Variants in CBR3 observed in about 807,000 individuals in gnomAD.
The protein encoded by CBR3 is carbonyl reductase [NADPH] 3.
A neutral mutation model predicts 11.6 loss-of-function variants in CBR3; 14 were observed. The observed-to-expected ratio is 1.20, with a 90% CI of 0.79 to 1.88. CBR3 has a LOEUF of 1.88. CBR3 is among the 40% of genes most tolerant of loss of function. CBR3 has a pLI of 0.00. For synonymous variants in CBR3, 125 were observed against 145.6 expected (o/e 0.86, Z 1.02); for missense variants, 308 against 357.3 (o/e 0.86, Z 1.11).
intron 2 of CBR3, among the ~76,000 whole-genome samples, chr21:36,143,848 C>T: frequency 6.8e-6 from 1 of 147,104 alleles, no homozygotes; most frequent in East Asian, 2.0e-4. Flanking sequence ...CCACTGCACT[C>T]CAGCTTGGCT....
chr21:36,144,930 C>A, intron 2 of CBR3: 1 of 152,376 alleles, frequency 6.6e-6, no homozygotes, highest in Non-Finnish European at 1.5e-5. Context: ...ATGGCAAAAC[C>A]CCATCTCTAC....
intron 2 of CBR3, among the ~76,000 whole-genome samples, chr21:36,140,349 AT>A: frequency 6.6e-6 from 1 of 152,156 alleles, no homozygotes; most frequent in African/African-American, 2.4e-5. Context: ...ATAAACGCAC[AT>A]TTTAAAAACT....
At chr21:36,145,488 C>T (rs779164915) in intron 2 of CBR3, among the ~76,000 whole-genome samples, 2 of 152,098 alleles carry the variant, frequency 1.3e-5, no homozygotes, top group Admixed American at 1.3e-4. Context: ...CACAGGCACA[C>T]GCCACCACAC....
chr21:36,141,440 T>C (rs1256400131), intron 2 of CBR3: 5 of 152,148 alleles, frequency 3.3e-5, no homozygotes, highest in Non-Finnish European at 5.9e-5. Context: ...GAATCTGTAC[T>C]GAAAGTGAAA....
At chr21:36,139,381 T>C (rs2065689787) in intron 2 of CBR3, among the ~76,000 whole-genome samples, 1 of 96,258 alleles carries the variant, frequency 1.0e-5, no homozygotes, top group African/African-American at 4.1e-5. Flanking sequence ...GCTTGCTTTT[T>C]CTTTTTTTTT....
At chr21:36,141,547 A>G (rs1232515993) in intron 2 of CBR3, 2 of 152,276 alleles carry the variant, frequency 1.3e-5, no homozygotes, top group African/African-American at 2.4e-5. Context: ...AAGTGGAACC[A>G]TCAGAGGGCA....
rs186793231 is a variant in CBR3 at position 36,142,365 on chromosome 21, G to A, written c.398-3711G>A. Among the ~76,000 whole-genome samples, 42 of 133,692 alleles carry A rather than the reference G, an allele frequency of 3.1e-4. No individual in the cohort carries two copies. The East Asian group carries it at 9.8e-3, about 31-fold the overall frequency. The allele number at this position is 133,692 out of a possible 152,430, so 87.7% of individuals were successfully genotyped here. On this transcript the variant is annotated intron_variant, in intron 2 of 2. Transcript: ENST00000290354. ...GAGAATGGCATGAACCCGGGAGGTG[G>A]AGCTTGCAGTGAGCCGAGATCACGC...
chr21:36,142,436 A>AAAAACAAAAAAAAC (rs71311085), intron 2 of CBR3, among the ~76,000 whole-genome samples: 4 of 119,628 alleles, frequency 3.3e-5, no homozygotes, highest in Admixed American at 1.0e-4. Flanking sequence ...CATCTCAAAA[A>AAAAACAAAAAAAAC]AAAAAAAAAA....
At chr21:36,141,913 A>G in intron 2 of CBR3, 3 of 983,914 alleles carry the variant, frequency 3.0e-6, no homozygotes, top group Non-Finnish European at 3.6e-6. Flanking sequence ...TTCACATTTA[A>G]TTCCTTGTAG....
intron 1 of CBR3, 29 bp from the exon 2 acceptor site, chr21:36,137,794 CTT>C (rs1568978804): frequency 7.7e-7 from 1 of 1,306,644 alleles, no homozygotes; most frequent in Non-Finnish European, 1.1e-6. Context: ...AAAAATATGA[CTT>C]TCTTTTTGTT....
intron 2 of CBR3, chr21:36,138,777 G>A (rs34285668): frequency 0.047 from 6,114 of 130,770 alleles, 178 homozygotes; most frequent in Non-Finnish European, 0.065. Flanking sequence ...ACAGAGTCTC[G>A]CTCTGTCATC....
chr21:36,143,142 T>G (rs562162554), intron 2 of CBR3, among the ~76,000 whole-genome samples: 2 of 151,686 alleles, frequency 1.3e-5, no homozygotes, highest in African/African-American at 4.8e-5. Flanking sequence ...CCATCTCTCC[T>G]AAAAATACAA....
chr21:36,142,761 T>C (rs973751111), intron 2 of CBR3, among the ~76,000 whole-genome samples: 1 of 151,962 alleles, frequency 6.6e-6, no homozygotes, highest in Non-Finnish European at 1.5e-5. Context: ...GGGCATAGGG[T>C]ATTTATCGAA....
At chr21:36,136,140 G>A (rs12483755) in intron 1 of CBR3, among the ~76,000 whole-genome samples, 58,803 of 151,670 alleles carry the variant, frequency 0.39, 11,736 homozygotes, top group South Asian at 0.5. Flanking sequence ...TCAAGAGATT[G>A]CTTATTCTAA....
intron 2 of CBR3, among the ~76,000 whole-genome samples, chr21:36,143,196 T>C (rs2065727137): frequency 6.6e-6 from 1 of 151,792 alleles, no homozygotes; most frequent in East Asian, 1.9e-4. Context: ...TCCCAGCTAC[T>C]TGGGAGGCTG....
chr21:36,139,901 T>TTTC (rs1157962269), intron 2 of CBR3, among the ~76,000 whole-genome samples: 2 of 148,790 alleles, frequency 1.3e-5, no homozygotes, highest in Non-Finnish European at 3.0e-5. Context: ...TTTTTTTTTT[T>TTTC]TTCTGAGACA....
intron 2 of CBR3, among the ~76,000 whole-genome samples, chr21:36,143,163 G>A (rs758337904): frequency 6.6e-5 from 10 of 151,834 alleles, no homozygotes; most frequent in African/African-American, 1.2e-4. Flanking sequence ...AAATTAGCTG[G>A]GCATGGTGGC....
intron 2 of CBR3, among the ~76,000 whole-genome samples, chr21:36,139,382 C>CT (rs35931656): frequency 0.38 from 48,018 of 126,312 alleles, 10,451 homozygotes; most frequent in Non-Finnish European, 0.49. Context: ...CTTGCTTTTT[C>CT]TTTTTTTTTT....
At chr21:36,136,829 A>C (rs1273856323) in intron 1 of CBR3, among the ~76,000 whole-genome samples, 1 of 151,756 alleles carries the variant, frequency 6.6e-6, no homozygotes, top group Non-Finnish European at 1.5e-5. Context: ...GGAGTTCAAG[A>C]CCAGCCCGGG....
Sources: allele counts gnomAD v4.1 joint callset (sites outside exome capture counted in the v4.1 genomes callset), GRCh38; gene constraint gnomAD v4.1.1; transcripts MANE v1.5; gene names NCBI Gene and HGNC (gene_info 2026-07-23, HGNC 2026-07-21).